NRG3: variants seen among roughly 807,000 people sequenced by gnomAD.
NRG3 encodes the protein pro-neuregulin-3, membrane-bound isoform.
A neutral mutation model predicts 66.9 loss-of-function variants in NRG3; 31 were observed. That is an observed-to-expected ratio of 0.46 (90% CI 0.35 to 0.63). The LOEUF (loss-of-function observed/expected upper bound fraction) is 0.63, where lower values mean the gene tolerates loss of function less well. Among genes scored for constraint, NRG3 ranks in the 20% least tolerant of loss-of-function variants. The pLI is 0.00. For missense variants in NRG3, 910 were observed against 878.9 expected, an observed-to-expected ratio of 1.04 and a Z score of -0.45; for synonymous variants, 393 against 359.4, an observed-to-expected ratio of 1.09 and a Z score of -1.06.
At position 82,590,974 on chromosome 10, in the gene NRG3, C is replaced by G. The variant is rs1339750595; in HGVS notation, c.954-147603C>G. Among the ~76,000 whole-genome samples, 5 of 152,304 alleles carry G rather than the reference C, an allele frequency of 3.3e-5. No homozygotes were observed. The East Asian group carries it at 5.8e-4, about 18-fold the overall frequency. On this transcript the variant is annotated intron_variant, in intron 2 of 8. Transcript: ENST00000372141. Reference sequence around the variant, plus strand: ...GTCATTGCCCATTCCATCAAGACATCAGGTGATTAAAACATCAAGATAAAA... The same window carrying G: ...GTCATTGCCCATTCCATCAAGACATGAGGTGATTAAAACATCAAGATAAAA...
In NRG3 at chr10:81,948,064, C is replaced by T. The variant is rs1849007517; in HGVS notation, c.823+71901C>T. Among the ~76,000 whole-genome samples, 3 of 152,274 alleles carry T rather than the reference C, an allele frequency of 2.0e-5. No individual in the cohort carries two copies. In the South Asian group the frequency reaches 6.2e-4, roughly 32 times the overall value. On this transcript the variant is annotated intron_variant, in intron 1 of 8. Coordinates refer to ENST00000372141, the MANE Select transcript of NRG3 (RefSeq NM_001010848.4). ...TTATTCCACTCCCTAATCATAGTGG[C>T]TACAAAAGATCATCCTTCAGACTCA...
At chr10:82,058,194 T>C (rs953381685) in intron 1 of NRG3, among the ~76,000 whole-genome samples, 2 of 152,082 alleles carry the variant, frequency 1.3e-5, no homozygotes, top group Non-Finnish European at 2.9e-5. Flanking sequence ...CAGGGCTCTA[T>C]GTATATTAAG....
Position 82,205,603 on chromosome 10 carries a change from A to G in NRG3, c.824-153136A>G, listed in dbSNP as rs377668006. On this transcript the variant is annotated intron_variant, in intron 1 of 8. Transcript: ENST00000372141. ...ACCAAATTCAGGGATATGTGAGAGG[A>G]CATGTGGAAAAGAGCTCTGGATATT... Among the ~76,000 whole-genome samples the G allele has an allele frequency of 6.4e-4, 97 of 152,272 alleles. 1 individual carries two copies. In the South Asian group the frequency reaches 0.019, roughly 30 times the overall value.
chr10:82,904,395 C>T (rs1844523238), intron 4 of NRG3, among the ~76,000 whole-genome samples: 1 of 152,112 alleles, frequency 6.6e-6, no homozygotes, highest in Non-Finnish European at 1.5e-5. Flanking sequence ...CATTCAACAA[C>T]AGAAAATGGT....
chr10:82,361,900 A>C (rs1279990754), intron 2 of NRG3, among the ~76,000 whole-genome samples: 4 of 151,914 alleles, frequency 2.6e-5, no homozygotes, highest in African/African-American at 9.7e-5. Flanking sequence ...CTAAATCTGA[A>C]AGAAATTAAA....
intron 1 of NRG3, among the ~76,000 whole-genome samples, chr10:82,006,270 T>G (rs1307612587): frequency 2.0e-5 from 3 of 152,122 alleles, no homozygotes; most frequent in African/African-American, 7.2e-5. Flanking sequence ...ATGTCAACTG[T>G]CTATTCATAT....
chr10:82,817,123 G>A (rs1479045264), intron 3 of NRG3, among the ~76,000 whole-genome samples: 1 of 152,164 alleles, frequency 6.6e-6, no homozygotes, highest in Non-Finnish European at 1.5e-5. Flanking sequence ...CTTGCATTGT[G>A]CATTTGTCTC....
At chr10:82,535,891 T>C (rs1436176691) in intron 2 of NRG3, among the ~76,000 whole-genome samples, 1 of 144,396 alleles carries the variant, frequency 6.9e-6, no homozygotes, top group Non-Finnish European at 1.5e-5. Flanking sequence ...GCAAATATTT[T>C]TTAAAGTAGT....
intron 2 of NRG3, among the ~76,000 whole-genome samples, chr10:82,499,726 G>A (rs1206215739): frequency 6.6e-6 from 1 of 151,918 alleles, no homozygotes; most frequent in Non-Finnish European, 1.5e-5. Context: ...TTATTGGTTA[G>A]GTATAAGTTA....
intron 1 of NRG3, among the ~76,000 whole-genome samples, chr10:82,058,232 A>G (rs1358882218): frequency 6.6e-6 from 1 of 151,802 alleles, no homozygotes; most frequent in Non-Finnish European, 1.5e-5. Context: ...ATACATAGCA[A>G]GTTATTTTTT....
chr10:82,055,842 G>C (rs1228540952), intron 1 of NRG3, among the ~76,000 whole-genome samples: 2 of 152,184 alleles, frequency 1.3e-5, no homozygotes. Flanking sequence ...ATAAAGGCAG[G>C]TTTATCTGTA....
chr10:82,435,085 T>A (rs2090051858), intron 2 of NRG3, among the ~76,000 whole-genome samples: 1 of 152,168 alleles, frequency 6.6e-6, no homozygotes, highest in South Asian at 2.1e-4. Flanking sequence ...AGGCTTTTTT[T>A]CGTTGGTAGG....
At chr10:82,615,554 A>T (rs1369355650) in intron 2 of NRG3, among the ~76,000 whole-genome samples, 2 of 152,142 alleles carry the variant, frequency 1.3e-5, no homozygotes, top group Non-Finnish European at 2.9e-5. Context: ...AATGTTTTTT[A>T]AAAATCATGT....
intron 1 of NRG3, among the ~76,000 whole-genome samples, chr10:82,045,064 T>A (rs1165524739): frequency 6.7e-6 from 1 of 150,118 alleles, no homozygotes; most frequent in East Asian, 2.0e-4. Flanking sequence ...AGATTTATAG[T>A]CCTTTGGGTA....
At chr10:82,791,152 C>T (rs1203238143) in intron 3 of NRG3, among the ~76,000 whole-genome samples, 2 of 152,006 alleles carry the variant, frequency 1.3e-5, no homozygotes, top group African/African-American at 4.8e-5. Context: ...CTTCCTGCCC[C>T]CACATGGGTT....
At chr10:82,773,977 C>A (rs1207389327) in intron 3 of NRG3, among the ~76,000 whole-genome samples, 1 of 152,082 alleles carries the variant, frequency 6.6e-6, no homozygotes, top group Non-Finnish European at 1.5e-5. Flanking sequence ...TTTTATTTTT[C>A]ATTCTGTTAA....
intron 1 of NRG3, among the ~76,000 whole-genome samples, chr10:81,952,196 C>G (rs1284627796): frequency 6.6e-6 from 1 of 152,118 alleles, no homozygotes; most frequent in African/African-American, 2.4e-5. Context: ...GCATATGTAA[C>G]TAACCTGCAC....
intron 1 of NRG3, among the ~76,000 whole-genome samples, chr10:82,184,954 G>A (rs966241444): frequency 6.6e-6 from 1 of 152,096 alleles, no homozygotes; most frequent in African/African-American, 2.4e-5. Context: ...TTCCAATTAA[G>A]CTGCTAATTA....
intron 2 of NRG3, among the ~76,000 whole-genome samples, chr10:82,586,686 TCAC>T (rs553935102): frequency 2.0e-4 from 30 of 152,338 alleles, no homozygotes; most frequent in Admixed American, 1.8e-3. Flanking sequence ...TAGATTCTAT[TCAC>T]CATCTTTATT....
Sources: gnomAD v4.1 joint callset for allele counts (sites outside exome capture counted in the v4.1 genomes callset) on GRCh38, gnomAD v4.1.1 for gene constraint, MANE v1.5 for transcripts, NCBI Gene and HGNC (gene_info 2026-07-23, HGNC 2026-07-21) for gene names.